PPP5C: variants seen among roughly 807,000 people sequenced by gnomAD.
The protein encoded by PPP5C is protein phosphatase 5 catalytic subunit.
A neutral mutation model predicts 66.7 loss-of-function variants in PPP5C; 21 were observed. The ratio of observed to expected loss-of-function variants is 0.31; its 90% confidence interval spans 0.22 to 0.45. The LOEUF (loss-of-function observed/expected upper bound fraction) is 0.45, where lower values mean the gene tolerates loss of function less well. Among genes scored for constraint, PPP5C ranks in the 20% least tolerant of loss-of-function variants. PPP5C has a pLI of 1.00. For synonymous variants in PPP5C, 246 were observed against 257.4 expected, an observed-to-expected ratio of 0.96 and a Z score of 0.43; for missense variants, 464 against 675.9, an observed-to-expected ratio of 0.69 and a Z score of 3.48.
chr19:46,360,805 G>C (rs2147370265), intron 2 of PPP5C, among the ~76,000 whole-genome samples: 1 of 151,874 alleles, frequency 6.6e-6, no homozygotes, highest in East Asian at 1.9e-4. Context: ...CCTGAAATTT[G>C]GTTTTGTAAA....
Position 46,351,850 on chromosome 19 carries a change from G to A in PPP5C, c.122-1898G>A, listed in dbSNP as rs936212604. ...CAGGGCTGGCACAGGAGATCCCAGG[G>A]GCTGGGGCAGCCCAGTCGGGGGCCT... On this transcript the variant is annotated intron_variant, in intron 1 of 12. Coordinates refer to ENST00000012443, the MANE Select transcript of PPP5C (RefSeq NM_006247.4). 2.0e-5 allele frequency among the ~76,000 whole-genome samples: 3 copies of A among 152,356 alleles called. No homozygotes were observed. The South Asian group carries it at 6.2e-4, about 32-fold the overall frequency.
chr19:46,372,232 C>T (rs1251904995), intron 2 of PPP5C, among the ~76,000 whole-genome samples: 1 of 151,912 alleles, frequency 6.6e-6, no homozygotes, highest in East Asian at 1.9e-4. Flanking sequence ...GAGACAGAAT[C>T]TCACTGTGTT....
chr19:46,375,826 G>A, intron 3 of PPP5C, 75 bp downstream of exon 3: 1 of 1,506,150 alleles, frequency 6.6e-7, no homozygotes, highest in South Asian at 1.3e-5. Context: ...CTGGGGGTGG[G>A]GTTGGGCTCA....
At position 46,353,571 on chromosome 19, in the gene PPP5C, A is replaced by G. The variant is rs558226345; in HGVS notation, c.122-177A>G. ...CCTGGAGACTGTGGCCGAGAGGACA[A>G]GCCCTGAGCTAGGTTGGTTGGGACA... On this transcript the variant is annotated intron_variant, in intron 1 of 12. Coordinates refer to ENST00000012443, the MANE Select transcript of PPP5C (RefSeq NM_006247.4). Among the ~76,000 whole-genome samples the G allele has an allele frequency of 4.4e-3, 663 of 152,216 alleles. 3 individuals carry two copies. Among genetic ancestry groups the G allele is most frequent in the Non-Finnish European group, 7.4e-3 (502 of 68,008 alleles).
At chr19:46,349,745 G>A (rs1206272049) in intron 1 of PPP5C, among the ~76,000 whole-genome samples, 1 of 152,106 alleles carries the variant, frequency 6.6e-6, no homozygotes, top group African/African-American at 2.4e-5. Context: ...CAGGTGAGGA[G>A]GGGTGGTGAT....
intron 6 of PPP5C, 43 bp from the exon 7 acceptor site, chr19:46,384,761 A>G: frequency 1.5e-5 from 16 of 1,088,438 alleles, no homozygotes; most frequent in Non-Finnish European, 2.1e-5. Flanking sequence ...ACCGCACCGC[A>G]CCCTTCCCCT....
chr19:46,389,906 ATCTCTGTC>A (rs1314820776), intron 11 of PPP5C, 137 bp from the exon 12 acceptor site: 3 of 581,646 alleles, frequency 5.2e-6, no homozygotes, highest in Admixed American at 2.6e-5. Flanking sequence ...CGTCTTTCCC[ATCTCTGTC>A]TCTCTGTCCA....
intron 7 of PPP5C, chr19:46,386,733 C>T: frequency 3.3e-6 from 1 of 300,878 alleles, no homozygotes; most frequent in South Asian, 3.8e-5. Flanking sequence ...TGGCCTCAGC[C>T]TCCCAAGTAG....
chr19:46,389,409 AC>A (rs1555795174), intron 11 of PPP5C, among the ~76,000 whole-genome samples: 1 of 36,796 alleles, frequency 2.7e-5, no homozygotes, highest in Non-Finnish European at 7.0e-5. Flanking sequence ...ACACACACAC[AC>A]ACACACACAC....
intron 4 of PPP5C, chr19:46,382,973 G>A (rs1259299369): frequency 4.8e-5 from 51 of 1,064,340 alleles, no homozygotes; most frequent in East Asian, 1.5e-4. Context: ...AAAATTCAGC[G>A]TCCGTTGAAA....
At chr19:46,389,405 A>AGTGTTGATC (rs1568579889) in intron 11 of PPP5C, among the ~76,000 whole-genome samples, 1 of 28,800 alleles carries the variant, frequency 3.5e-5, no homozygotes, top group Non-Finnish European at 9.1e-5. Flanking sequence ...ACACACACAC[A>AGTGTTGATC]CACACACACA....
At chr19:46,385,761 T>C (rs978326586) in intron 7 of PPP5C, among the ~76,000 whole-genome samples, 8 of 147,866 alleles carry the variant, frequency 5.4e-5, no homozygotes, top group East Asian at 2.0e-4. Context: ...GCCTAGTCGA[T>C]AGAGTGAGAC....
chr19:46,383,116 A>T lies in PPP5C; in HGVS notation c.634-295A>T. The T allele has an allele frequency of 7.7e-7, 1 of 1,300,952 alleles. No homozygotes were observed. The allele number at this position is 1,300,952 out of a possible 1,614,324, so 80.6% of individuals were successfully genotyped here. On this transcript the variant is annotated intron_variant, in intron 4 of 12. Coordinates refer to ENST00000012443, the MANE Select transcript of PPP5C (RefSeq NM_006247.4). This position sits in a 1 kb window ranked among gnomAD's most constrained non-coding sequence, Gnocchi z 5.0. ...CAGTTCTTTTATAAAATGTTCTACG[A>T]TCTGGATTCATGCATGTATTTCCAC...
intron 2 of PPP5C, among the ~76,000 whole-genome samples, chr19:46,366,828 C>T (rs1972499144): frequency 6.6e-6 from 1 of 152,166 alleles, no homozygotes; most frequent in African/African-American, 2.4e-5. Context: ...TGGCTTCAGG[C>T]GATGAGTACT....
intron 4 of PPP5C, among the ~76,000 whole-genome samples, chr19:46,378,054 G>A (rs1353492084): frequency 6.6e-6 from 1 of 152,066 alleles, no homozygotes; most frequent in Non-Finnish European, 1.5e-5. Context: ...GCATGCTTGA[G>A]GTTTAATTTG....
At chr19:46,371,589 C>A (rs1156507979) in intron 2 of PPP5C, among the ~76,000 whole-genome samples, 1 of 152,146 alleles carries the variant, frequency 6.6e-6, no homozygotes, top group Non-Finnish European at 1.5e-5. Flanking sequence ...GCAGGGCAGG[C>A]GCAGCGGGTC....
chr19:46,390,239 G>A (rs756592271), intron 12 of PPP5C, 45 bp from the exon 13 acceptor site: 3 of 1,597,944 alleles, frequency 1.9e-6, no homozygotes, highest in Non-Finnish European at 2.6e-6. Flanking sequence ...GTGCTCAGGG[G>A]CTCTGTTCTG....
intron 11 of PPP5C, among the ~76,000 whole-genome samples, chr19:46,389,357 CTCAAA>C (rs1254240649): frequency 1.5e-5 from 2 of 130,330 alleles, no homozygotes; most frequent in African/African-American, 6.5e-5. Flanking sequence ...AAGACTCCAT[CTCAAA>C]ACACACACAC....
At chr19:46,382,986 A>G in intron 4 of PPP5C, 7 of 1,091,934 alleles carry the variant, frequency 6.4e-6, no homozygotes, top group Non-Finnish European at 8.0e-6. Context: ...CGTTGAAAGC[A>G]CCAGTGTTGC....
Sources: allele counts gnomAD v4.1 joint callset (sites outside exome capture counted in the v4.1 genomes callset), GRCh38; gene constraint gnomAD v4.1.1; non-coding constraint Gnocchi (gnomAD v3.1); transcripts MANE v1.5; gene names NCBI Gene and HGNC (gene_info 2026-07-23, HGNC 2026-07-21).